RBMS3: variants seen among roughly 807,000 people sequenced by gnomAD.
RBMS3 encodes the protein RNA binding motif single stranded interacting protein 3.
Under a neutral mutation model 66.8 loss-of-function variants are expected in RBMS3, and 27 were observed. The ratio of observed to expected loss-of-function variants is 0.40; its 90% confidence interval spans 0.30 to 0.56. The LOEUF is 0.56. RBMS3 is among the 20% of genes least tolerant of loss of function. RBMS3 has a pLI of 0.40. For synonymous variants in RBMS3, 188 were observed against 183.0 expected (o/e 1.03, Z -0.22); for missense variants, 513 against 549.5 (o/e 0.93, Z 0.66).
chr3:29,494,204 T>G (rs2043655241), intron 3 of RBMS3, among the ~76,000 whole-genome samples: 1 of 152,202 alleles, frequency 6.6e-6, no homozygotes, highest in Non-Finnish European at 1.5e-5. Flanking sequence ...ATTAACCTAA[T>G]GCATTAAACC....
rs777331613 is a variant in RBMS3, at chr3:29,884,422, T to TTTTC, written c.791+215_791+216insTTCT. Among the ~76,000 whole-genome samples, 23 of 41,876 alleles carry TTTTC rather than the reference T, an allele frequency of 5.5e-4. 1 individual carries two copies. The highest frequency in any genetic ancestry group is 2.3e-3 in the African/African-American group (22 of 9,680). 27.5% of individuals were successfully genotyped at this position (41,876 alleles called of 152,430 possible). A position where few individuals can be genotyped will look rare whatever the true frequency, so the allele number is the denominator to read the frequency against. On this transcript the variant is annotated intron_variant, in intron 8 of 14. Coordinates refer to ENST00000383767, the MANE Select transcript of RBMS3 (RefSeq NM_001003793.3). ...ATGCCTCTGCCCACATTAAACCCTG[T>TTTTC]TCTCTCTCTCTCTCTCTCTCTCTCT...
At chr3:29,878,191 C>T (rs1444379592) in intron 7 of RBMS3, among the ~76,000 whole-genome samples, 1 of 152,072 alleles carries the variant, frequency 6.6e-6, no homozygotes, top group Non-Finnish European at 1.5e-5. Context: ...AAGCGGATCT[C>T]AGGCGGTAGT....
chr3:29,425,009 C>G (rs535243793), intron 1 of RBMS3, among the ~76,000 whole-genome samples: 1 of 151,928 alleles, frequency 6.6e-6, no homozygotes, highest in African/African-American at 2.4e-5. Flanking sequence ...TAAGCTACAT[C>G]CATTGGTCTT....
At chr3:29,641,425 G>A (rs2049706562) in intron 4 of RBMS3, among the ~76,000 whole-genome samples, 1 of 152,022 alleles carries the variant, frequency 6.6e-6, no homozygotes, top group Non-Finnish European at 1.5e-5. Flanking sequence ...AATTGGTTTA[G>A]AATCGATTTC....
At chr3:29,358,709 T>C (rs919096280) in intron 1 of RBMS3, among the ~76,000 whole-genome samples, 1 of 152,204 alleles carries the variant, frequency 6.6e-6, no homozygotes, top group Non-Finnish European at 1.5e-5. Flanking sequence ...TTTTGTGTCC[T>C]CTTTTATTTG....
At chr3:29,730,924 A>G in intron 4 of RBMS3, 1 of 985,338 alleles carries the variant, frequency 1.0e-6, no homozygotes, top group Non-Finnish European at 1.2e-6. Context: ...AACTGGTGAT[A>G]CTGAGCTCAA....
chr3:29,503,060 G>A (rs867480694), intron 3 of RBMS3, among the ~76,000 whole-genome samples: 1 of 152,220 alleles, frequency 6.6e-6, no homozygotes, highest in African/African-American at 2.4e-5. Flanking sequence ...CTTGCGTGTA[G>A]TTGTGGAGAA....
chr3:29,725,387 A>G (rs2053820003), intron 4 of RBMS3, among the ~76,000 whole-genome samples: 1 of 152,226 alleles, frequency 6.6e-6, no homozygotes, highest in South Asian at 2.1e-4. Context: ...TGAAGGAGAT[A>G]GAGACATGAA....
At chr3:29,814,375 C>T (rs1396947679) in intron 6 of RBMS3, among the ~76,000 whole-genome samples, 1 of 152,120 alleles carries the variant, frequency 6.6e-6, no homozygotes, top group African/African-American at 2.4e-5. Flanking sequence ...CTGCTGGATT[C>T]GGTTTCCCAG....
intron 6 of RBMS3, among the ~76,000 whole-genome samples, chr3:29,849,813 C>A (rs1485138434): frequency 6.6e-6 from 1 of 152,146 alleles, no homozygotes; most frequent in South Asian, 2.1e-4. Context: ...GAGAATGCAT[C>A]TCACCTATGT....
At chr3:29,790,658 T>A (rs1193124765) in intron 6 of RBMS3, among the ~76,000 whole-genome samples, 1 of 152,170 alleles carries the variant, frequency 6.6e-6, no homozygotes, top group Non-Finnish European at 1.5e-5. Context: ...ACTTACTAAG[T>A]GTTTTACAGG....
At chr3:29,949,334 G>A (rs941128444) in intron 12 of RBMS3, among the ~76,000 whole-genome samples, 5 of 151,706 alleles carry the variant, frequency 3.3e-5, no homozygotes, top group Non-Finnish European at 5.9e-5. Flanking sequence ...TACAGTCTGT[G>A]TCATAACTAT....
intron 7 of RBMS3, among the ~76,000 whole-genome samples, chr3:29,877,396 G>T (rs1035615439): frequency 2.8e-4 from 43 of 152,208 alleles, no homozygotes; most frequent in African/African-American, 1.0e-3. Context: ...AAATACACTG[G>T]TCAAATGATG....
chr3:29,475,071 AC>A (rs1252338443), intron 2 of RBMS3, among the ~76,000 whole-genome samples: 6 of 152,184 alleles, frequency 3.9e-5, no homozygotes. Flanking sequence ...TAATATTGCA[AC>A]CCAGCTGAGC....
At chr3:29,342,085 G>A (rs1044888358) in intron 1 of RBMS3, among the ~76,000 whole-genome samples, 1 of 152,226 alleles carries the variant, frequency 6.6e-6, no homozygotes, top group Admixed American at 6.5e-5. Flanking sequence ...GTAAGAATAC[G>A]ATTCTTGATG....
At chr3:29,884,237 A>G in intron 8 of RBMS3, 29 bp downstream of exon 8, 1 of 1,577,824 alleles carries the variant, frequency 6.3e-7, no homozygotes, top group South Asian at 1.1e-5. Context: ...CTCTATTTTA[A>G]TTGTGAATAG....
chr3:29,904,123 C>T (rs761048230), intron 10 of RBMS3, among the ~76,000 whole-genome samples: 2 of 151,922 alleles, frequency 1.3e-5, no homozygotes, highest in Non-Finnish European at 2.9e-5. Context: ...GCTTTGCTAC[C>T]GTTAAATATA....
At chr3:29,586,557 G>A (rs886850462) in intron 3 of RBMS3, among the ~76,000 whole-genome samples, 5 of 152,094 alleles carry the variant, frequency 3.3e-5, no homozygotes, top group Non-Finnish European at 7.4e-5. Flanking sequence ...GGAAGAGCAT[G>A]GGCTTAGTAA....
intron 4 of RBMS3, chr3:29,616,012 T>G (rs1040233239): frequency 3.3e-5 from 5 of 152,148 alleles, no homozygotes; most frequent in African/African-American, 4.8e-5. Context: ...TGAGCAATTA[T>G]AGAAGCCACT....
Sources: gnomAD v4.1 joint callset for allele counts (sites outside exome capture counted in the v4.1 genomes callset) on GRCh38, gnomAD v4.1.1 for gene constraint, MANE v1.5 for transcripts, NCBI Gene and HGNC (gene_info 2026-07-23, HGNC 2026-07-21) for gene names.